The following NPR1 variants were observed in gnomAD, a reference collection of about 807,000 sequenced individuals.
NPR1 encodes natriuretic peptide receptor 1, also known as atrial natriuretic peptide receptor 1.
NPR1 carries 57 observed loss-of-function variants against 116.9 expected under a neutral mutation model. The observed-to-expected ratio is 0.49, with a 90% CI of 0.39 to 0.61. The LOEUF (loss-of-function observed/expected upper bound fraction) is 0.61, where lower values mean the gene tolerates loss of function less well. NPR1 is among the 20% of genes least tolerant of loss of function. The probability of loss-of-function intolerance (pLI) is 0.00; values close to 1 mark genes in which losing one functional copy is unlikely to be tolerated. For missense variants in NPR1, 1,096 were observed against 1,409.8 expected, an observed-to-expected ratio of 0.78 and a Z score of 3.56; for synonymous variants, 555 against 601.6, an observed-to-expected ratio of 0.92 and a Z score of 1.13.
rs1376301783 is a variant in NPR1, at chr1:153,689,981, G to A, written c.2932+1G>A. On this transcript the variant is annotated splice_donor_variant, in intron 19 of 21. Coordinates refer to ENST00000368680, the MANE Select transcript of NPR1 (RefSeq NM_000906.4). LOFTEE classifies it high-confidence loss of function. This position sits in a 1 kb window ranked among gnomAD's most constrained non-coding sequence, Gnocchi z 5.1. ...CGCTTGCGCATTGGCATCCACACAGGTAAGGCCACTGAAGGTGCAGGCGGG... is the reference window on the plus strand; with the variant it reads ...CGCTTGCGCATTGGCATCCACACAGATAAGGCCACTGAAGGTGCAGGCGGG... 1 of 1,514,356 alleles carries A rather than the reference G, an allele frequency of 6.6e-7. No homozygotes were observed. The highest frequency in any genetic ancestry group is 8.9e-7 in the Non-Finnish European group (1 of 1,125,380). 93.8% of individuals were successfully genotyped at this position (1,514,356 alleles called of 1,614,324 possible).
At chr1:153,687,894 G>A in intron 14 of NPR1, 105 bp downstream of exon 14, 1 of 1,287,902 alleles carries the variant, frequency 7.8e-7, no homozygotes, top group Non-Finnish European at 1.1e-6. Context: ...TCTGTAATGG[G>A]GTTCAGTCAC....
In NPR1 at chr1:153,685,025, G is replaced by A; in HGVS notation, c.1546G>A (p.Glu516Lys). The part of the protein sequence containing the change: ...ELWRVRWEDV[E>K]PSSLERHLRS... ...GTGGCGGGTGCGCTGGGAGGACGTT[G>A]AGCCCAGTAGCCTTGAGAGGCACCT... Residue 516 changes from glutamate (E) to lysine (K), a missense_variant, in exon 8 of 22, where the codon GAG becomes AAG. Coordinates refer to ENST00000368680, the MANE Select transcript of NPR1 (RefSeq NM_000906.4). 6.2e-7 allele frequency: 1 copy of A among 1,614,042 alleles called. No homozygotes were observed. Among genetic ancestry groups the A allele is most frequent in the Non-Finnish European group, 8.5e-7 (1 of 1,179,994 alleles).
rs1669678728 is a variant in NPR1, at chr1:153,679,011, A to G, written c.-98A>G. ...CCCCGTCCCGCTCCTGCTCCTTCCC[A>G]TAGGGACGCGCCTGATGCCTGGGAC... On this transcript the variant is annotated 5_prime_UTR_variant, in exon 1 of 22. Transcript: ENST00000368680. This position sits in a 1 kb window ranked among gnomAD's most constrained non-coding sequence, Gnocchi z 4.2. 2.3e-6 allele frequency: 3 copies of G among 1,330,782 alleles called. No homozygotes were observed. The highest frequency in any genetic ancestry group is 2.9e-6 in the Non-Finnish European group (3 of 1,036,362). 82.4% of individuals were successfully genotyped at this position (1,330,782 alleles called of 1,614,324 possible). A position where few individuals can be genotyped will look rare whatever the true frequency, so the allele number is the denominator to read the frequency against.
Position 153,693,384 on chromosome 1 carries a change from T to C in NPR1, c.3156T>C (p.Leu1052=). ...GCAAGGTTCGGACCTACTGGCTCCT[T>C]GGGGAGAGGGGGAGTAGCACCCGAG... is the stretch of plus-strand genomic sequence containing the variant. ...GKGKVRTYWL[L]GERGSSTRG The change falls in exon 22 of 22, where the codon CTT becomes CTC. Residue 1052 remains leucine, a synonymous_variant. Coordinates refer to ENST00000368680, the MANE Select transcript of NPR1 (RefSeq NM_000906.4). The C allele has an allele frequency of 6.2e-7, 1 of 1,612,842 alleles. No homozygotes were observed. Among genetic ancestry groups the C allele is most frequent in the Non-Finnish European group, 8.5e-7 (1 of 1,179,410 alleles).
At position 153,693,816 on chromosome 1, in the gene NPR1, A is replaced by G; in HGVS notation, c.*402A>G. ...GGGAACATGAAAAGAGACTAGGTGA[A>G]GAGAGGGCAGGGGAGCCCACATCTG... On this transcript the variant is annotated 3_prime_UTR_variant, in exon 22 of 22. Transcript: ENST00000368680. 2.5e-6 allele frequency: 1 copy of G among 403,778 alleles called. No homozygotes were observed. Among genetic ancestry groups the G allele is most frequent in the Non-Finnish European group, 4.4e-6 (1 of 229,722 alleles). 25.0% of individuals were successfully genotyped at this position (403,778 alleles called of 1,614,324 possible).
chr1:153,682,447 C>A, intron 4 of NPR1, 51 bp from the exon 5 acceptor site: 1 of 1,339,844 alleles, frequency 7.5e-7, no homozygotes, highest in Non-Finnish European at 1.1e-6. Context: ...AAGTGGGGCA[C>A]CCCTGAACTT....
Position 153,678,792 on chromosome 1 carries a change from T to TG in NPR1, c.-317_-316insG. On this transcript the variant is annotated 5_prime_UTR_variant, in exon 1 of 22. Coordinates refer to ENST00000368680, the MANE Select transcript of NPR1 (RefSeq NM_000906.4). This position sits in a 1 kb window ranked among gnomAD's most constrained non-coding sequence, Gnocchi z 5.8. ...CTTCACGAAGCGCTCACTCGCACCC[T>TG]TTCTCTCTCTCTCTCTCTCTCTCTA... is the stretch of plus-strand genomic sequence containing the variant. 6.4e-6 allele frequency: 2 copies of TG among 313,440 alleles called. No homozygotes were observed. The highest frequency in any genetic ancestry group is 5.6e-6 in the Non-Finnish European group (1 of 178,378). The allele number at this position is 313,440 out of a possible 1,614,324, so 19.4% of individuals were successfully genotyped here.
At position 153,687,312 on chromosome 1, in the gene NPR1, GC is replaced by G; in HGVS notation, c.2049del (p.Phe684SerfsTer51). On this transcript the variant is annotated frameshift_variant, in exon 13 of 22. Transcript: ENST00000368680. LOFTEE classifies it high-confidence loss of function. ...VLKITDYGLESFRDLDPEQGH... is the reference protein window; with the variant it reads ...VLKITDYGLEXFRDLDPEQGH... ...AAGATCACCGACTATGGGCTGGAGA[GC>G]TTCAGGGACCTGGACCCAGAGCAAG... is the stretch of plus-strand genomic sequence containing the variant. The G allele has an allele frequency of 1.9e-6, 3 of 1,614,118 alleles. No individual in the cohort carries two copies. Among genetic ancestry groups the G allele is most frequent in the Non-Finnish European group, 2.5e-6 (3 of 1,179,984 alleles).
rs201323369 is a variant in NPR1, at chr1:153,680,760, C to T, written c.921+60C>T. ...GCTTGTGGCACATCATTTCTGGGCACTGTGTCCCTCAGCGTCTGAAAGAAT... is the reference window on the plus strand; with the variant it reads ...GCTTGTGGCACATCATTTCTGGGCATTGTGTCCCTCAGCGTCTGAAAGAAT... On this transcript the variant is annotated intron_variant, in intron 2 of 21. Transcript: ENST00000368680. The T allele has an allele frequency of 3.7e-6, 5 of 1,366,536 alleles. No individual in the cohort carries two copies. In the South Asian group the frequency reaches 3.8e-5, roughly 10 times the overall value. 84.7% of individuals were successfully genotyped at this position (1,366,536 alleles called of 1,614,324 possible). A position where few individuals can be genotyped will look rare whatever the true frequency, so the allele number is the denominator to read the frequency against.
Position 153,679,903 on chromosome 1 carries a change from C to G in NPR1, c.721+74C>G. On this transcript the variant is annotated intron_variant, in intron 1 of 21. Coordinates refer to ENST00000368680, the MANE Select transcript of NPR1 (RefSeq NM_000906.4). This position sits in a 1 kb window ranked among gnomAD's most constrained non-coding sequence, Gnocchi z 4.2. ...CTCTGACCTGCCGGAGGCATCGGGACTTTCTCTCTCATCTGGGGGCACTCT... is the reference window on the plus strand; with the variant it reads ...CTCTGACCTGCCGGAGGCATCGGGAGTTTCTCTCTCATCTGGGGGCACTCT... 6.7e-7 allele frequency: 1 copy of G among 1,497,344 alleles called. No individual in the cohort carries two copies. The highest frequency in any genetic ancestry group is 1.4e-5 in the African/African-American group (1 of 70,602). The allele number at this position is 1,497,344 out of a possible 1,614,324, so 92.8% of individuals were successfully genotyped here.
Position 153,679,072 on chromosome 1 carries a change from G to A in NPR1, c.-37G>A. On this transcript the variant is annotated 5_prime_UTR_variant, in exon 1 of 22. Transcript: ENST00000368680. This position sits in a 1 kb window ranked among gnomAD's most constrained non-coding sequence, Gnocchi z 4.2. ...GCCCAAGGGGACCGAGGAGGCCATG[G>A]TAGGAGCGCTCGCCTGCTGCGGTGC... 2 of 1,400,422 alleles carry A rather than the reference G, an allele frequency of 1.4e-6. No homozygotes were observed. The highest frequency in any genetic ancestry group is 1.6e-5 in the South Asian group (1 of 63,148). The allele number at this position is 1,400,422 out of a possible 1,614,324, so 86.7% of individuals were successfully genotyped here.
chr1:153,683,288 C>G, intron 5 of NPR1, 88 bp from the exon 6 acceptor site: 1 of 1,456,702 alleles, frequency 6.9e-7, no homozygotes, highest in Non-Finnish European at 9.3e-7. Flanking sequence ...AGAAGCAGAG[C>G]TGGGGTAGGT....
At chr1:153,688,825 T>C (rs1670005227) in intron 15 of NPR1, 128 bp from the exon 16 acceptor site, 4 of 1,107,950 alleles carry the variant, frequency 3.6e-6, no homozygotes, top group African/African-American at 3.1e-5. Context: ...TATCCTGCTA[T>C]GCCCTCAACC....
chr1:153,689,404 A>G lies in NPR1; in HGVS notation c.2689-49A>G. On this transcript the variant is annotated intron_variant, in intron 17 of 21. Transcript: ENST00000368680. The surrounding 1 kb of genome is among the most constrained non-coding windows in gnomAD (Gnocchi z 5.1). ...GGTTCTGCTTTACCCACCTGACCCC[A>G]GGTGGGGTCCCCTACTTCCTGTCTC... 6.2e-7 allele frequency: 1 copy of G among 1,613,526 alleles called. No individual in the cohort carries two copies. The highest frequency in any genetic ancestry group is 8.5e-7 in the Non-Finnish European group (1 of 1,179,530).
In NPR1 at chr1:153,688,096, G is replaced by A; in HGVS notation, c.2292G>A (p.Arg764=). Residue 764 remains arginine, a synonymous_variant, in exon 15 of 22, where the codon CGG becomes CGA. Transcript: ENST00000368680. ...RVTRGEQPPF[R]PSLALQSHLE... ...CTCGGGGTGAGCAGCCCCCCTTCCGGCCCTCCCTGGCCCTGCAGAGTCACC... is the reference window on the plus strand; with the variant it reads ...CTCGGGGTGAGCAGCCCCCCTTCCGACCCTCCCTGGCCCTGCAGAGTCACC... 1 of 1,613,062 alleles carries A rather than the reference G, an allele frequency of 6.2e-7. No individual in the cohort carries two copies. Among genetic ancestry groups the A allele is most frequent in the Non-Finnish European group, 8.5e-7 (1 of 1,179,484 alleles).
chr1:153,687,315 T>C lies in NPR1; in HGVS notation c.2051T>C (p.Phe684Ser). 6.2e-7 allele frequency: 1 copy of C among 1,614,046 alleles called. No individual in the cohort carries two copies. The highest frequency in any genetic ancestry group is 8.5e-7 in the Non-Finnish European group (1 of 1,179,976). Residue 684 changes from phenylalanine to serine, a missense_variant, in exon 13 of 22, where the codon TTC becomes TCC. By Grantham distance (155) the Phe-to-Ser change is radical. Transcript: ENST00000368680. ...ATCACCGACTATGGGCTGGAGAGCTTCAGGGACCTGGACCCAGAGCAAGGA... is the reference window on the plus strand; with the variant it reads ...ATCACCGACTATGGGCTGGAGAGCTCCAGGGACCTGGACCCAGAGCAAGGA... ...LKITDYGLES[F>S]RDLDPEQGHT...
rs563562348 is a variant in NPR1 at position 153,679,618 on chromosome 1, G to A, written c.510G>A (p.Ala170=). Residue 170 remains alanine, a synonymous_variant, in exon 1 of 22, where the codon GCG becomes GCA. Transcript: ENST00000368680. The surrounding 1 kb of genome is among the most constrained non-coding windows in gnomAD (Gnocchi z 4.2). ...ACGCCAAGCTGGGGGACTTCGTGGC[G>A]GCGCTGCACCGACGGCTGGGCTGGG... The part of the protein sequence containing the change: ...PSYAKLGDFV[A]ALHRRLGWER... 2.5e-6 allele frequency: 4 copies of A among 1,587,536 alleles called. No individual in the cohort carries two copies. The South Asian group carries it at 4.5e-5, about 18-fold the overall frequency.
Position 153,680,527 on chromosome 1 carries a change from G to A in NPR1, c.748G>A (p.Ala250Thr). Residue 250 changes from alanine (A) to threonine (T), a missense_variant, in exon 2 of 22, where the codon GCC becomes ACC. Ala to Thr is a moderately conservative substitution (Grantham distance 58, BLOSUM62 0). Transcript: ENST00000368680. ...TATCTACATCTGCAGCTCCCCTGAT[G>A]CCTTCAGAACCCTCATGCTCCTGGC... ...RVIYICSSPD[A>T]FRTLMLLALE... 1 of 1,614,136 alleles carries A rather than the reference G, an allele frequency of 6.2e-7. No homozygotes were observed. The highest frequency in any genetic ancestry group is 8.5e-7 in the Non-Finnish European group (1 of 1,180,020).
intron 21 of NPR1, 24 bp downstream of exon 21, chr1:153,693,221 C>T: frequency 6.2e-7 from 1 of 1,610,804 alleles, no homozygotes; most frequent in Non-Finnish European, 8.5e-7. Flanking sequence ...CCTCTGCCCT[C>T]CCCACCTTTT....
Sources: allele counts gnomAD v4.1 joint callset, GRCh38; gene constraint gnomAD v4.1.1; non-coding constraint Gnocchi (gnomAD v3.1); transcripts MANE v1.5; gene names NCBI Gene and HGNC (gene_info 2026-07-23, HGNC 2026-07-21).